PGBD5: variants seen among roughly 807,000 people sequenced by gnomAD.
PGBD5 encodes the protein piggyBac transposable element derived 5.
In PGBD5, 14 loss-of-function variants were observed where a neutral mutation model predicts 47.9. The ratio of observed to expected loss-of-function variants is 0.29; its 90% CI spans 0.19 to 0.46. The LOEUF (loss-of-function observed/expected upper bound fraction) is 0.46, where lower values mean the gene tolerates loss of function less well. PGBD5 is among the 20% of genes least tolerant of loss of function. The pLI, the probability that PGBD5 is intolerant of heterozygous loss-of-function variation, is 1.00. For synonymous variants in PGBD5, 316 were observed against 306.3 expected, an observed-to-expected ratio of 1.03 and a Z score of -0.33; for missense variants, 635 against 716.0, an observed-to-expected ratio of 0.89 and a Z score of 1.29.
At chr1:230,406,650 T>G (rs1315551084) in intron 1 of PGBD5, among the ~76,000 whole-genome samples, 1 of 152,228 alleles carries the variant, frequency 6.6e-6, no homozygotes, top group African/African-American at 2.4e-5. Context: ...ATATTAGCTT[T>G]CATAATACTA....
chr1:230,384,677 A>C (rs1369119405), intron 1 of PGBD5, among the ~76,000 whole-genome samples: 1 of 152,244 alleles, frequency 6.6e-6, no homozygotes, highest in African/African-American at 2.4e-5. Context: ...AAGGAGCAGA[A>C]CAAGAGCACT....
At chr1:230,375,652 CTTT>C (rs199545872) in intron 1 of PGBD5, among the ~76,000 whole-genome samples, 6 of 105,658 alleles carry the variant, frequency 5.7e-5, no homozygotes, top group African/African-American at 2.2e-4. Flanking sequence ...TCCTATTTGA[CTTT>C]TTTTTTTTTT....
At chr1:230,376,263 C>A (rs1255522700) in intron 1 of PGBD5, among the ~76,000 whole-genome samples, 2 of 152,140 alleles carry the variant, frequency 1.3e-5, no homozygotes, top group Non-Finnish European at 2.9e-5. Context: ...CTGCTCCCTG[C>A]CTCCCATCAA....
intron 4 of PGBD5, among the ~76,000 whole-genome samples, chr1:230,333,754 G>A (rs1260401606): frequency 2.0e-5 from 3 of 152,240 alleles, no homozygotes; most frequent in Non-Finnish European, 2.9e-5. Flanking sequence ...GCTTCCTGAG[G>A]GAGAAGGAGC....
chr1:230,417,066 G>A (rs1174389197), intron 1 of PGBD5, among the ~76,000 whole-genome samples: 2 of 152,110 alleles, frequency 1.3e-5, no homozygotes, highest in Non-Finnish European at 1.5e-5. Context: ...AAATGTGGCC[G>A]GTTTTTCATT....
intron 2 of PGBD5, 62 bp from the exon 3 acceptor site, chr1:230,351,154 G>C (rs1267696798): frequency 4.0e-6 from 6 of 1,511,228 alleles, no homozygotes; most frequent in African/African-American, 1.4e-5. Context: ...GGGCTCATCA[G>C]ATTGGAGCTC....
Position 230,323,713 on chromosome 1 carries a change from C to T in PGBD5, c.1380-93G>A, listed in dbSNP as rs76988050. On this transcript the variant is annotated intron_variant, in intron 6 of 6. Transcript: ENST00000391860. The surrounding 1 kb of genome is among the most constrained non-coding windows in gnomAD (Gnocchi z 4.1). ...CCCCCCCTCACCACAGCCCGTGAGA[C>T]GCTGCAGGTTCGCCCCCGACAGAAG... The T allele has an allele frequency of 4.8e-3, 6,268 of 1,306,688 alleles. 267 individuals carry two copies. The East Asian group carries it at 0.1, about 22-fold the overall frequency. 80.9% of individuals were successfully genotyped at this position (1,306,688 alleles called of 1,614,324 possible).
In PGBD5 at chr1:230,407,138, A is replaced by G. The variant is rs563663830; in HGVS notation, c.331+18460T>C. Among the ~76,000 whole-genome samples, 7 of 152,354 alleles carry G rather than the reference A, an allele frequency of 4.6e-5. No individual in the cohort carries two copies. The South Asian group carries it at 1.4e-3, about 32-fold the overall frequency. On this transcript the variant is annotated intron_variant, in intron 1 of 6. Coordinates refer to ENST00000391860, the MANE Select transcript of PGBD5 (RefSeq NM_001258311.2). ...GCGTGAACCACCATGTCCAGTCCAG[A>G]ATACGTCACTTTCAATCTAGGACTA...
chr1:230,420,846 C>G (rs1657630045), intron 1 of PGBD5, among the ~76,000 whole-genome samples: 1 of 152,000 alleles, frequency 6.6e-6, no homozygotes, highest in African/African-American at 2.4e-5. Flanking sequence ...ATATATGTAA[C>G]CTGTTAATAA....
chr1:230,333,044 G>A lies in PGBD5; in HGVS notation c.1076-3C>T. The A allele has an allele frequency of 6.3e-7, 1 of 1,586,638 alleles. No homozygotes were observed. The highest frequency in any genetic ancestry group is 8.6e-7 in the Non-Finnish European group (1 of 1,166,782). The stretch of plus-strand genomic sequence containing the variant: ...GAGCAAGCCGCAGCAGTAAATCCCT[G>A]AGGGGAGAGGGAGGAAGGATCGCAC... On this transcript the variant is annotated splice_polypyrimidine_tract_variant and splice_region_variant and intron_variant, in intron 4 of 6. Coordinates refer to ENST00000391860, the MANE Select transcript of PGBD5 (RefSeq NM_001258311.2).
At chr1:230,332,001 G>A (rs77766842) in intron 5 of PGBD5, among the ~76,000 whole-genome samples, 27 of 206 alleles carry the variant, frequency 0.13, no homozygotes, top group East Asian at 0.46. Flanking sequence ...AGACTGTACC[G>A]CAGAAACATA....
chr1:230,403,928 G>A (rs1304374254), intron 1 of PGBD5, among the ~76,000 whole-genome samples: 2 of 152,166 alleles, frequency 1.3e-5, no homozygotes, highest in African/African-American at 4.8e-5. Context: ...TAATTATAGT[G>A]CTCAAGAGGA....
chr1:230,388,855 G>T lies in PGBD5; in HGVS notation c.332-31534C>A, dbSNP rs191566712. Among the ~76,000 whole-genome samples the T allele has an allele frequency of 2.4e-3, 372 of 152,312 alleles. 7 individuals are homozygous for T. The highest frequency in any genetic ancestry group is 1.1e-3 in the Non-Finnish European group (78 of 68,024). On this transcript the variant is annotated intron_variant, in intron 1 of 6. Transcript: ENST00000391860. ...AAGAAAAGCAGCAAAGGAGCTGCTA[G>T]CACCTTGGGCTCTGGTTGACTCAGG...
At position 230,315,323 on chromosome 1, in the gene PGBD5, T is replaced by G. The variant is rs1666918060; in HGVS notation, c.*8102A>C. The G allele has an allele frequency of 6.6e-6, 1 of 152,248 alleles. No homozygotes were observed. The highest frequency in any genetic ancestry group is 1.5e-5 in the Non-Finnish European group (1 of 68,090). 9.4% of individuals were successfully genotyped at this position (152,248 alleles called of 1,614,324 possible). A position where few individuals can be genotyped will look rare whatever the true frequency, so the allele number is the denominator to read the frequency against. On this transcript the variant is annotated 3_prime_UTR_variant, in exon 7 of 7. Transcript: ENST00000391860. Reference sequence around the variant, plus strand: ...GTTGGGCAGCTCTAAGGTTGGAAACTGCTTTCCCCACTGAGCTGAAGGCTG... The same window carrying G: ...GTTGGGCAGCTCTAAGGTTGGAAACGGCTTTCCCCACTGAGCTGAAGGCTG...
At chr1:230,346,834 T>C (rs565849793) in intron 3 of PGBD5, among the ~76,000 whole-genome samples, 2 of 152,220 alleles carry the variant, frequency 1.3e-5, no homozygotes, top group African/African-American at 4.8e-5. Flanking sequence ...ATTTTTAACG[T>C]GTCCATCTCT....
chr1:230,395,574 CCT>C (rs146862862), intron 1 of PGBD5, among the ~76,000 whole-genome samples: 303 of 8,080 alleles, frequency 0.037, 49 homozygotes, highest in Middle Eastern at 0.12. Context: ...TCCCAGCTCC[CCT>C]CTCATTCCCA....
At chr1:230,360,946 T>C (rs533094725) in intron 1 of PGBD5, among the ~76,000 whole-genome samples, 1 of 152,280 alleles carries the variant, frequency 6.6e-6, no homozygotes, top group Admixed American at 6.5e-5. Context: ...CATTCGGCAA[T>C]TGAGGAAATG....
intron 1 of PGBD5, among the ~76,000 whole-genome samples, chr1:230,405,310 C>T (rs1657275886): frequency 1.3e-5 from 2 of 152,248 alleles, no homozygotes; most frequent in African/African-American, 2.4e-5. Flanking sequence ...TCCTCTGCCA[C>T]CCCTGAGACA....
At chr1:230,363,985 T>C (rs1258123089) in intron 1 of PGBD5, among the ~76,000 whole-genome samples, 1 of 152,220 alleles carries the variant, frequency 6.6e-6, no homozygotes, top group East Asian at 1.9e-4. Context: ...CCCTTTTTCC[T>C]TCCCCCTTGT....
Sources: allele counts gnomAD v4.1 joint callset (sites outside exome capture counted in the v4.1 genomes callset), GRCh38; gene constraint gnomAD v4.1.1; non-coding constraint Gnocchi (gnomAD v3.1); transcripts MANE v1.5; gene names NCBI Gene and HGNC (gene_info 2026-07-23, HGNC 2026-07-21).